SAP130: variants seen among roughly 807,000 people sequenced by gnomAD.
SAP130 encodes the protein histone deacetylase complex subunit SAP130.
Under a neutral mutation model 103.2 loss-of-function variants are expected in SAP130, and 16 were observed. The ratio of observed to expected loss-of-function variants is 0.16; its 90% CI spans 0.10 to 0.24. SAP130 has a LOEUF of 0.24. Among genes scored for constraint, SAP130 ranks in the 10% least tolerant of loss-of-function variants. The pLI, the probability that SAP130 is intolerant of heterozygous loss-of-function variation, is 1.00. For missense variants in SAP130, 990 were observed against 1,359.7 expected, an observed-to-expected ratio of 0.73 and a Z score of 4.28; for synonymous variants, 477 against 497.0, an observed-to-expected ratio of 0.96 and a Z score of 0.53.
chr2:127,991,119 G>T (rs907072602), intron 12 of SAP130, among the ~76,000 whole-genome samples: 1 of 151,800 alleles, frequency 6.6e-6, no homozygotes, highest in Non-Finnish European at 1.5e-5. Flanking sequence ...GTGTGCTGGC[G>T]CATACCTATA....
intron 6 of SAP130, 101 bp downstream of exon 6, chr2:128,012,929 G>T: frequency 8.4e-7 from 1 of 1,183,600 alleles, no homozygotes; most frequent in Non-Finnish European, 1.1e-6. Flanking sequence ...CCTATGTCTT[G>T]GCAACTAGAT....
rs780695142 is a variant in SAP130, at chr2:127,945,523, T to G, written c.2834A>C (p.Gln945Pro). The G allele has an allele frequency of 6.2e-7, 1 of 1,613,148 alleles. No individual in the cohort carries two copies. The highest frequency in any genetic ancestry group is 8.5e-7 in the Non-Finnish European group (1 of 1,179,112). Reference sequence around the variant, plus strand: ...TTGAGCACGACAGGATACTCCTTTCTGATTAGCTATTTCCTGCAGCATAGC... The same window carrying G: ...TTGAGCACGACAGGATACTCCTTTCGGATTAGCTATTTCCTGCAGCATAGC... ...KKAMLQEIANQKGVSCRAQGW... is the reference protein window; with the variant it reads ...KKAMLQEIANPKGVSCRAQGW... The change falls in exon 19 of 21, where the codon CAG (glutamine) becomes CCG (proline). Residue 945 changes from glutamine (Q) to proline (P), a missense_variant. By Grantham distance (76) the Gln-to-Pro change is moderately conservative (BLOSUM62 -1). Around this residue, in one of 6 missense-constraint regions of SAP130, gnomAD observed 69 missense variants for 165.7 expected, o/e 0.42. Transcript: ENST00000643581.
In SAP130 at chr2:127,955,415, ATGAG is replaced by A. The variant is rs1679773065; in HGVS notation, c.2064-75_2064-72del. On this transcript the variant is annotated intron_variant, in intron 15 of 20. Transcript: ENST00000643581. This position sits in a 1 kb window ranked among gnomAD's most constrained non-coding sequence, Gnocchi z 4.9. The stretch of plus-strand genomic sequence containing the variant: ...GCCTTCATCTACAACATCTCAGAGG[ATGAG>A]TATTTGTCCAATTATTTCTGTCCAG... 5.3e-6 allele frequency: 5 copies of A among 938,312 alleles called. No homozygotes were observed. The highest frequency in any genetic ancestry group is 6.5e-6 in the Non-Finnish European group (4 of 610,934). The allele number at this position is 938,312 out of a possible 1,614,324, so 58.1% of individuals were successfully genotyped here.
chr2:127,990,535 C>A lies in SAP130; in HGVS notation c.1478-669G>T, dbSNP rs571272497. On this transcript the variant is annotated intron_variant, in intron 12 of 20. Transcript: ENST00000643581. ...TTAAATATCTTACACTTATAAGCTA[C>A]CTTTTCCCTAAATAAACAAGTATCT... Among the ~76,000 whole-genome samples the A allele has an allele frequency of 2.6e-5, 4 of 152,296 alleles. 1 individual carries two copies. The highest frequency in any genetic ancestry group is 2.1e-4 in the South Asian group (1 of 4,824).
chr2:127,972,656 G>C (rs182119782), intron 15 of SAP130, among the ~76,000 whole-genome samples: 165 of 152,286 alleles, frequency 1.1e-3, no homozygotes, highest in Non-Finnish European at 1.7e-3. Flanking sequence ...TACTTGGGAG[G>C]CTGAGGCAGG....
Position 127,945,505 on chromosome 2 carries a change from C to T in SAP130, c.2852G>A (p.Arg951His). 2.5e-6 allele frequency: 4 copies of T among 1,613,554 alleles called. No individual in the cohort carries two copies. The highest frequency in any genetic ancestry group is 3.4e-6 in the Non-Finnish European group (4 of 1,179,544). Residue 951 changes from arginine to histidine, a missense_variant, in exon 19 of 21, where the codon CGT becomes CAT. Physicochemically the swap from Arg to His is conservative, Grantham distance 29 (BLOSUM62 0). Transcript: ENST00000643581. ...GAGGTGGACTTTCCAGCCTTGAGCA[C>T]GACAGGATACTCCTTTCTGATTAGC... ...EIANQKGVSC[R>H]AQGWKVHLCA...
intron 14 of SAP130, among the ~76,000 whole-genome samples, chr2:127,983,823 G>GTTTT (rs879920789): frequency 1.1e-4 from 9 of 79,292 alleles, no homozygotes; most frequent in African/African-American, 2.9e-4. Flanking sequence ...TTACTTTGTT[G>GTTTT]TTTTTTTTTT....
rs534708993 is a variant in SAP130 at position 127,996,226 on chromosome 2, G to C, written c.1355+124C>G. ...GGAATTATACGAAGTGTTACTTTCAGGGGAAAATCTGAAAACATGAGTAAT... is the reference window on the plus strand; with the variant it reads ...GGAATTATACGAAGTGTTACTTTCACGGGAAAATCTGAAAACATGAGTAAT... On this transcript the variant is annotated intron_variant, in intron 11 of 20. Coordinates refer to ENST00000643581, the MANE Select transcript of SAP130 (RefSeq NM_001330301.2). The surrounding 1 kb of genome is among the most constrained non-coding windows in gnomAD (Gnocchi z 4.3). 133 of 907,778 alleles carry C rather than the reference G, an allele frequency of 1.5e-4. No individual in the cohort carries two copies. The South Asian group carries it at 4.2e-3, about 29-fold the overall frequency. The allele number at this position is 907,778 out of a possible 1,614,324, so 56.2% of individuals were successfully genotyped here.
At chr2:127,946,106 G>A (rs761489366) in intron 18 of SAP130, among the ~76,000 whole-genome samples, 17 of 152,086 alleles carry the variant, frequency 1.1e-4, no homozygotes, top group Non-Finnish European at 2.1e-4. Context: ...GTCAAGCCAG[G>A]GCCTCCCCCA....
Position 127,996,262 on chromosome 2 carries a change from C to A in SAP130, c.1355+88G>T. On this transcript the variant is annotated intron_variant, in intron 11 of 20. Transcript: ENST00000643581. This position sits in a 1 kb window ranked among gnomAD's most constrained non-coding sequence, Gnocchi z 4.3. ...GAAAACATGAGTAATAAATATAGGC[C>A]ATATTTGTGGGACACTTTGTTTTAT... 8.4e-7 allele frequency: 1 copy of A among 1,185,704 alleles called. No individual in the cohort carries two copies. Among genetic ancestry groups the A allele is most frequent in the Non-Finnish European group, 1.1e-6 (1 of 892,752 alleles). 73.4% of individuals were successfully genotyped at this position (1,185,704 alleles called of 1,614,324 possible).
Position 128,017,850 on chromosome 2 carries a change from G to C in SAP130, c.178C>G (p.Leu60Val), listed in dbSNP as rs758068465. Reference sequence around the variant, plus strand: ...TCTTGCTTCTCCTCCCGGGACTGGAGGGAGCTGCTGGAACTCATGTGCTCC... The same window carrying C: ...TCTTGCTTCTCCTCCCGGGACTGGACGGAGCTGCTGGAACTCATGTGCTCC... ...AREHMSSSSS[L>V]QSREEKQEPV... The change falls in exon 3 of 21, where the codon CTC becomes GTC. Residue 60 changes from leucine to valine, a missense_variant. This residue lies in a region of SAP130 where 167 missense variants were observed against 187.4 expected (regional missense o/e 0.89). Coordinates refer to ENST00000643581, the MANE Select transcript of SAP130 (RefSeq NM_001330301.2). 6.2e-7 allele frequency: 1 copy of C among 1,614,220 alleles called. No individual in the cohort carries two copies. The highest frequency in any genetic ancestry group is 1.1e-5 in the South Asian group (1 of 91,080).
At chr2:127,987,225 C>T (rs566846452) in intron 13 of SAP130, among the ~76,000 whole-genome samples, 1 of 152,292 alleles carries the variant, frequency 6.6e-6, no homozygotes, top group East Asian at 1.9e-4. Context: ...TGCTCTCTTG[C>T]CCAGGCTGGA....
chr2:128,007,623 A>T (rs539188568), intron 7 of SAP130, among the ~76,000 whole-genome samples: 43 of 152,368 alleles, frequency 2.8e-4, no homozygotes, highest in African/African-American at 9.9e-4. Context: ...TAACTGCCAC[A>T]AAGTAAAGTA....
rs146397339 is a variant in SAP130, at chr2:128,010,292, C to T, written c.846G>A (p.Ala282=). ...AQSPVITTTA[A]HATDSALSRP... ...ACCTAAGTGCTGAATCAGTAGCATG[C>T]GCCGCTGTCGTAGTGATGACTGGAG... is the stretch of plus-strand genomic sequence containing the variant. The change falls in exon 7 of 21, where the codon GCG becomes GCA. Residue 282 remains alanine (A), a synonymous_variant. Coordinates refer to ENST00000643581, the MANE Select transcript of SAP130 (RefSeq NM_001330301.2). The T allele has an allele frequency of 5.0e-4, 811 of 1,613,890 alleles. 6 individuals carry two copies. The South Asian group carries it at 6.5e-3, about 13-fold the overall frequency.
At chr2:127,972,508 A>G (rs1202248724) in intron 15 of SAP130, among the ~76,000 whole-genome samples, 1 of 152,192 alleles carries the variant, frequency 6.6e-6, no homozygotes, top group Non-Finnish European at 1.5e-5. Context: ...CTGTAATCCC[A>G]GCACTTTGGG....
intron 15 of SAP130, among the ~76,000 whole-genome samples, chr2:127,976,058 G>A (rs1681439696): frequency 6.6e-6 from 1 of 152,188 alleles, no homozygotes; most frequent in African/African-American, 2.4e-5. Context: ...ATGTTAGCCA[G>A]GATGGTCTCT....
intron 18 of SAP130, among the ~76,000 whole-genome samples, chr2:127,949,666 C>T (rs897004582): frequency 3.9e-5 from 6 of 152,192 alleles, no homozygotes; most frequent in African/African-American, 1.4e-4. Context: ...CCAATAAATA[C>T]ACACAGCTTG....
chr2:128,008,349 T>C (rs762853932), intron 7 of SAP130, among the ~76,000 whole-genome samples: 15 of 152,104 alleles, frequency 9.9e-5, no homozygotes, highest in Admixed American at 2.6e-4. Flanking sequence ...TATCCCTGTA[T>C]GGCTCTACAA....
chr2:127,980,621 G>A (rs1413772569), intron 14 of SAP130, among the ~76,000 whole-genome samples: 1 of 152,030 alleles, frequency 6.6e-6, no homozygotes, highest in Non-Finnish European at 1.5e-5. Context: ...GATAAAACAC[G>A]GTACTGTTAT....
Sources: gnomAD v4.1 joint callset for allele counts (sites outside exome capture counted in the v4.1 genomes callset) on GRCh38, gnomAD v4.1.1 for gene constraint, gnomAD v4.1.1 regional missense constraint, Gnocchi (gnomAD v3.1) non-coding constraint, MANE v1.5 for transcripts, NCBI Gene and HGNC (gene_info 2026-07-23, HGNC 2026-07-21) for gene names.